RANBP2: variants seen among roughly 807,000 people sequenced by gnomAD.
The protein encoded by RANBP2 is E3 SUMO-protein ligase RanBP2.
In RANBP2, 57 loss-of-function variants were observed where a neutral mutation model predicts 303.6. That is an observed-to-expected ratio of 0.19 (90% confidence interval 0.15 to 0.23). The LOEUF is 0.23. RANBP2 is among the 10% of genes least tolerant of loss of function. RANBP2 has a pLI of 1.00. For missense variants in RANBP2, 3,138 were observed against 3,780.8 expected (o/e 0.83, Z 4.46); for synonymous variants, 1,167 against 1,301.5 (o/e 0.90, Z 2.23).
At chr2:108,857,728 T>A in the RANBP2 span, among the ~76,000 whole-genome samples, 1 of 152,188 alleles carries the variant, frequency 6.6e-6, no homozygotes. Context: ...AGGAGTAGAA[T>A]GAAAAGTGAA....
chr2:109,531,983 G>T, the RANBP2 span, among the ~76,000 whole-genome samples: 1 of 152,226 alleles, frequency 6.6e-6, no homozygotes, highest in Non-Finnish European at 1.5e-5. Context: ...CCAGAAGGAT[G>T]GTGTAGCTGT....
chr2:109,471,472 C>T, the RANBP2 span, among the ~76,000 whole-genome samples: 2 of 152,140 alleles, frequency 1.3e-5, no homozygotes, highest in Non-Finnish European at 2.9e-5. Flanking sequence ...GAAACTGCCC[C>T]CGTGATCTAG....
At chr2:109,375,332 C>T in the RANBP2 span, among the ~76,000 whole-genome samples, 1 of 152,214 alleles carries the variant, frequency 6.6e-6, no homozygotes, top group Non-Finnish European at 1.5e-5. Flanking sequence ...GCGGCCGTCC[C>T]CACGCCAGGA....
chr2:109,430,482 C>T, the RANBP2 span, among the ~76,000 whole-genome samples: 2 of 152,008 alleles, frequency 1.3e-5, no homozygotes, highest in South Asian at 2.1e-4. Flanking sequence ...TTCCTCTGTC[C>T]TCTCCCCGTC....
At chr2:109,649,879 G>T in the RANBP2 span, among the ~76,000 whole-genome samples, 1 of 152,028 alleles carries the variant, frequency 6.6e-6, no homozygotes, top group Non-Finnish European at 1.5e-5. Flanking sequence ...AAAAACATTG[G>T]CTACTTCTGC....
the RANBP2 span, among the ~76,000 whole-genome samples, chr2:109,003,419 T>G: frequency 2.0e-5 from 3 of 151,574 alleles, no homozygotes; most frequent in Admixed American, 1.3e-4. Context: ...TTTTCTTCTT[T>G]TTTTTTTTGA....
At chr2:108,953,215 C>T in the RANBP2 span, among the ~76,000 whole-genome samples, 4 of 152,186 alleles carry the variant, frequency 2.6e-5, no homozygotes, top group Non-Finnish European at 5.9e-5. Flanking sequence ...TAAGCCGATG[C>T]TTCAGAATTG....
At chr2:109,000,788 C>G in the RANBP2 span, among the ~76,000 whole-genome samples, 4 of 152,148 alleles carry the variant, frequency 2.6e-5, no homozygotes, top group Non-Finnish European at 5.9e-5. Context: ...TACTGCAACC[C>G]TATGAGATAG....
chr2:109,525,083 T>G, the RANBP2 span, among the ~76,000 whole-genome samples: 1 of 151,608 alleles, frequency 6.6e-6, no homozygotes, highest in African/African-American at 2.4e-5. Flanking sequence ...ACCGTTGTTT[T>G]TTTTTTTTTT....
the RANBP2 span, among the ~76,000 whole-genome samples, chr2:108,828,607 CTT>C: frequency 6.6e-6 from 1 of 152,178 alleles, no homozygotes; most frequent in Non-Finnish European, 1.5e-5. Flanking sequence ...GAAGGACAGT[CTT>C]TTCAACAAAT....
rs183987735 is a variant in RANBP2, at chr2:108,735,841, C to T, written c.636+79C>T. ...CTTTTTGTACTAAAGCAGCAGTGCC[C>T]CGCAGGACTTAAAATTTCTTTTATT... is the stretch of plus-strand genomic sequence containing the variant. On this transcript the variant is annotated intron_variant, in intron 5 of 28. Coordinates refer to ENST00000283195, the MANE Select transcript of RANBP2 (RefSeq NM_006267.5). 8.1e-4 allele frequency: 1,292 copies of T among 1,594,682 alleles called. 11 individuals are homozygous for T. The African/African-American group carries it at 0.016, about 19-fold the overall frequency.
chr2:109,691,719 C>T, the RANBP2 span, among the ~76,000 whole-genome samples: 3 of 151,918 alleles, frequency 2.0e-5, no homozygotes, highest in African/African-American at 7.3e-5. Flanking sequence ...CTGTGGGGGC[C>T]CTGGACACAT....
At chr2:109,538,581 A>G in the RANBP2 span, among the ~76,000 whole-genome samples, 3 of 152,184 alleles carry the variant, frequency 2.0e-5, no homozygotes, top group African/African-American at 7.2e-5. Flanking sequence ...CAGTGGCATG[A>G]TCTCGGCTTA....
the RANBP2 span, among the ~76,000 whole-genome samples, chr2:109,019,222 A>C: frequency 0.14 from 21,981 of 152,196 alleles, 2,384 homozygotes; most frequent in African/African-American, 0.3. Flanking sequence ...TACTGCCTGA[A>C]TCAGGCTTGG....
chr2:109,440,373 G>T, the RANBP2 span, among the ~76,000 whole-genome samples: 3 of 152,180 alleles, frequency 2.0e-5, no homozygotes, highest in Non-Finnish European at 4.4e-5. Flanking sequence ...AGAAAGACCC[G>T]CAGTGAAGCC....
At chr2:109,181,330 TG>T in the RANBP2 span, among the ~76,000 whole-genome samples, 2 of 152,234 alleles carry the variant, frequency 1.3e-5, no homozygotes, top group Non-Finnish European at 2.9e-5. Flanking sequence ...GCAATTAACA[TG>T]GGTACATTAC....
the RANBP2 span, among the ~76,000 whole-genome samples, chr2:108,922,911 C>T: frequency 6.6e-6 from 1 of 152,324 alleles, no homozygotes; most frequent in East Asian, 1.9e-4. Flanking sequence ...AGACTGTTTA[C>T]ATGTGCTTTG....
At chr2:108,892,219 G>A in the RANBP2 span, among the ~76,000 whole-genome samples, 1,950 of 152,206 alleles carry the variant, frequency 0.013, 35 homozygotes, top group Admixed American at 0.02. Flanking sequence ...AGTCCCAGTG[G>A]GGCTTGCTTT....
the RANBP2 span, among the ~76,000 whole-genome samples, chr2:108,877,720 A>T: frequency 6.6e-6 from 1 of 152,178 alleles, no homozygotes; most frequent in African/African-American, 2.4e-5. Context: ...AATATTCAGA[A>T]ATATAGTTGA....
Sources: gnomAD v4.1 joint callset for allele counts (sites outside exome capture counted in the v4.1 genomes callset) on GRCh38, gnomAD v4.1.1 for gene constraint, MANE v1.5 for transcripts, NCBI Gene and HGNC (gene_info 2026-07-23, HGNC 2026-07-21) for gene names.